The following DLGAP2 variants were observed in gnomAD, a reference collection of about 807,000 sequenced individuals.
DLGAP2 encodes disks large-associated protein 2.
DLGAP2 carries 26 observed loss-of-function variants against 100.3 expected under a neutral mutation model. That is an observed-to-expected ratio of 0.26 (90% CI 0.19 to 0.36). The LOEUF (loss-of-function observed/expected upper bound fraction) is 0.36, where lower values mean the gene tolerates loss of function less well. DLGAP2 is among the 10% of genes least tolerant of loss of function. DLGAP2 has a pLI of 1.00. For missense variants in DLGAP2, 1,858 were observed against 1,453.2 expected, an observed-to-expected ratio of 1.28 and a Z score of -4.53; for synonymous variants, 886 against 630.1, an observed-to-expected ratio of 1.41 and a Z score of -6.08.
chr8:1,326,263 A>T (rs1042869480), intron 3 of DLGAP2, among the ~76,000 whole-genome samples: 2 of 152,266 alleles, frequency 1.3e-5, no homozygotes, highest in Non-Finnish European at 2.9e-5. Flanking sequence ...TGTATGCAGA[A>T]TCAGTGAAAT....
intron 3 of DLGAP2, among the ~76,000 whole-genome samples, chr8:1,493,243 G>C (rs973395923): frequency 3.3e-5 from 5 of 152,198 alleles, no homozygotes; most frequent in Non-Finnish European, 4.4e-5. Flanking sequence ...GGAGCGCATA[G>C]AGGGCTGCTT....
chr8:1,086,225 T>A (rs979758117), intron 2 of DLGAP2, among the ~76,000 whole-genome samples: 1 of 152,246 alleles, frequency 6.6e-6, no homozygotes, highest in African/African-American at 2.4e-5. Context: ...ACAATTTAAC[T>A]TCTTTCCAAT....
chr8:1,221,294 G>T (rs1157909038), intron 2 of DLGAP2, among the ~76,000 whole-genome samples: 2 of 152,288 alleles, frequency 1.3e-5, no homozygotes, highest in East Asian at 3.9e-4. Context: ...CAGGTCTGGT[G>T]CTAATGAATT....
chr8:1,426,660 C>A (rs978402184), intron 3 of DLGAP2, among the ~76,000 whole-genome samples: 4 of 152,098 alleles, frequency 2.6e-5, no homozygotes, highest in Non-Finnish European at 5.9e-5. Context: ...TTAACCTCAC[C>A]CAGAAAGATA....
intron 3 of DLGAP2, among the ~76,000 whole-genome samples, chr8:1,337,933 G>A (rs1423466760): frequency 1.3e-5 from 2 of 152,162 alleles, no homozygotes; most frequent in East Asian, 3.9e-4. Context: ...CTAAGTACAG[G>A]GAAGCTCAAC....
At chr8:929,081 C>T (rs576262449) in intron 2 of DLGAP2, among the ~76,000 whole-genome samples, 16 of 99,562 alleles carry the variant, frequency 1.6e-4, no homozygotes, top group South Asian at 4.3e-4. Context: ...GCCATTCCCC[C>T]TCTAAACATC....
chr8:833,775 T>C lies in DLGAP2; in HGVS notation c.19-74137T>C, dbSNP rs371092516. On this transcript the variant is annotated intron_variant, in intron 1 of 14. Transcript: ENST00000637795. ...TATTTAAATGTATGCATACCTTTCA[T>C]CTTTAGAGATTTTTTACCATGAATT... Among the ~76,000 whole-genome samples, 5 of 152,348 alleles carry C rather than the reference T, an allele frequency of 3.3e-5. No homozygotes were observed. The South Asian group carries it at 8.3e-4, about 25-fold the overall frequency.
intron 3 of DLGAP2, among the ~76,000 whole-genome samples, chr8:1,474,215 T>C (rs141559408): frequency 1.3e-5 from 2 of 152,356 alleles, no homozygotes; most frequent in East Asian, 3.9e-4. Context: ...TATTATTTTA[T>C]TCCGTTTTTT....
At chr8:1,010,055 A>T (rs1241998007) in intron 2 of DLGAP2, among the ~76,000 whole-genome samples, 1 of 152,262 alleles carries the variant, frequency 6.6e-6, no homozygotes, top group African/African-American at 2.4e-5. Flanking sequence ...TGCTTTTAAT[A>T]TCGTGGTATC....
rs75479443 is a variant in DLGAP2 at position 1,546,358 on chromosome 8, G to A, written c.173-2268G>A. ...CCCCACACCTTGCTGTCAGTCTCTC[G>A]GGATCCCTCAGGAAATCTTTACGTT... On this transcript the variant is annotated intron_variant, in intron 4 of 14. Coordinates refer to ENST00000637795, the MANE Select transcript of DLGAP2 (RefSeq NM_001346810.2). 8.6e-3 allele frequency among the ~76,000 whole-genome samples: 1,307 copies of A among 152,236 alleles called. 23 individuals are homozygous for A. Among genetic ancestry groups the A allele is most frequent in the African/African-American group, 0.03 (1,227 of 41,526 alleles).
intron 2 of DLGAP2, among the ~76,000 whole-genome samples, chr8:1,185,789 C>T (rs757219436): frequency 2.6e-5 from 4 of 151,872 alleles, no homozygotes; most frequent in Non-Finnish European, 5.9e-5. Flanking sequence ...CAGTAGGAAC[C>T]AAGGCTGGTG....
intron 3 of DLGAP2, among the ~76,000 whole-genome samples, chr8:1,282,274 C>A (rs1277991972): frequency 7.3e-6 from 1 of 137,544 alleles, no homozygotes; most frequent in African/African-American, 2.7e-5. Context: ...CTGAACCATC[C>A]GGACATGGTG....
At chr8:1,128,694 A>C (rs879830446) in intron 2 of DLGAP2, among the ~76,000 whole-genome samples, 1 of 152,188 alleles carries the variant, frequency 6.6e-6, no homozygotes, top group African/African-American at 2.4e-5. Flanking sequence ...TGATTTAGCT[A>C]CTTGGTATTT....
At chr8:1,163,854 C>A (rs1796940364) in intron 2 of DLGAP2, among the ~76,000 whole-genome samples, 1 of 152,188 alleles carries the variant, frequency 6.6e-6, no homozygotes, top group Non-Finnish European at 1.5e-5. Context: ...CTCTGCTCAG[C>A]ACTGCGGCTG....
intron 3 of DLGAP2, among the ~76,000 whole-genome samples, chr8:1,473,936 T>C (rs769308347): frequency 1.3e-5 from 2 of 152,204 alleles, no homozygotes; most frequent in African/African-American, 2.4e-5. Flanking sequence ...TCTTTTTCTG[T>C]GTAAATTACC....
rs76408847 is a variant in DLGAP2 at position 1,539,561 on chromosome 8, G to A, written c.173-9065G>A. The stretch of plus-strand genomic sequence containing the variant: ...GTGCACTGAGCCTTGCCAGGGTCCC[G>A]CACCCTCACCGGGAGCTGTGATGGG... On this transcript the variant is annotated intron_variant, in intron 4 of 14. Transcript: ENST00000637795. Among the ~76,000 whole-genome samples the A allele has an allele frequency of 8.0e-3, 1,218 of 152,102 alleles. 20 individuals are homozygous for A. The highest frequency in any genetic ancestry group is 0.028 in the African/African-American group (1,153 of 41,516).
intron 5 of DLGAP2, among the ~76,000 whole-genome samples, chr8:1,550,126 C>G (rs1801711037): frequency 6.6e-6 from 1 of 152,212 alleles, no homozygotes; most frequent in Non-Finnish European, 1.5e-5. Flanking sequence ...TGGCCTCTAT[C>G]TGTGTGCGCC....
intron 3 of DLGAP2, among the ~76,000 whole-genome samples, chr8:1,479,206 TA>T (rs933013487): frequency 3.8e-4 from 58 of 152,326 alleles, no homozygotes; most frequent in Non-Finnish European, 5.9e-4. Flanking sequence ...CAGTCAGGTC[TA>T]ACACGATGCT....
At chr8:1,160,603 G>C (rs1360051149) in intron 2 of DLGAP2, among the ~76,000 whole-genome samples, 1 of 152,188 alleles carries the variant, frequency 6.6e-6, no homozygotes, top group Non-Finnish European at 1.5e-5. Context: ...TTAGTTCTAT[G>C]TACAGGCCTT....
Sources: allele counts gnomAD v4.1 joint callset (sites outside exome capture counted in the v4.1 genomes callset), GRCh38; gene constraint gnomAD v4.1.1; transcripts MANE v1.5; gene names NCBI Gene and HGNC (gene_info 2026-07-23, HGNC 2026-07-21).